TRIM8: variants seen among roughly 807,000 people sequenced by gnomAD.
TRIM8 encodes E3 ubiquitin-protein ligase TRIM8.
In TRIM8, 9 loss-of-function variants were observed where a neutral mutation model predicts 55.7. The observed-to-expected ratio is 0.16, with a 90% CI of 0.10 to 0.28. The LOEUF (loss-of-function observed/expected upper bound fraction) is 0.28. Among genes scored for constraint, TRIM8 ranks in the 10% least tolerant of loss-of-function variants. The pLI, the probability that TRIM8 is intolerant of heterozygous loss-of-function variation, is 1.00. For missense variants in TRIM8, 556 were observed against 736.4 expected, an observed-to-expected ratio of 0.76 and a Z score of 2.83; for synonymous variants, 335 against 333.3, an observed-to-expected ratio of 1.01 and a Z score of -0.06.
rs2064034457 is a variant in TRIM8, at chr10:102,657,285, G to A, written c.1587G>A (p.Gln529=). The change falls in exon 6 of 6, where the codon CAG becomes CAA. Residue 529 remains glutamine (Q), a synonymous_variant. Coordinates refer to ENST00000643721, the MANE Select transcript of TRIM8 (RefSeq NM_030912.3). ...LAVRDWLDAS[Q]QPGHQDFYRV... is the part of the protein sequence containing the mutation. ...TCAGAGACTGGCTTGACGCCTCCCA[G>A]CAGCCCGGCCACCAGGATTTCTACA... 2 of 1,613,482 alleles carry A rather than the reference G, an allele frequency of 1.2e-6. No homozygotes were observed. Among genetic ancestry groups the A allele is most frequent in the Non-Finnish European group, 1.7e-6 (2 of 1,179,716 alleles).
Position 102,656,337 on chromosome 10 carries a change from C to A in TRIM8, c.1000C>A (p.Leu334Met), listed in dbSNP as rs1324638281. 6.2e-7 allele frequency: 1 copy of A among 1,614,126 alleles called. No individual in the cohort carries two copies. Among genetic ancestry groups the A allele is most frequent in the East Asian group, 2.2e-5 (1 of 44,880 alleles). The change falls in exon 5 of 6, where the codon CTG (leucine) becomes ATG (methionine). Residue 334 changes from leucine to methionine, a missense_variant. Coordinates refer to ENST00000643721, the MANE Select transcript of TRIM8 (RefSeq NM_030912.3). This position sits in a 1 kb window ranked among gnomAD's most constrained non-coding sequence, Gnocchi z 4.6. ...CGGCCACCTGAACTCCAAGCTCTTC[C>A]TGAACGAAGTGGCCAAGAAGGAGAA... Reference protein sequence around the residue: ...KIGHLNSKLFLNEVAKKEKQL... With the variant: ...KIGHLNSKLFMNEVAKKEKQL...
At position 102,654,776 on chromosome 10, in the gene TRIM8, G is replaced by T. The variant is rs1166762052; in HGVS notation, c.666+28G>T. ...AGCTAAGCCCAAGGCCATGCTGCGGGGTGGGGGTGGCTTGAGCGCAGGGCT... is the reference window on the plus strand; with the variant it reads ...AGCTAAGCCCAAGGCCATGCTGCGGTGTGGGGGTGGCTTGAGCGCAGGGCT... On this transcript the variant is annotated intron_variant, in intron 2 of 5. Transcript: ENST00000643721. 2.5e-6 allele frequency: 4 copies of T among 1,569,662 alleles called. No homozygotes were observed. In the African/African-American group the frequency reaches 5.4e-5, roughly 21 times the overall value.
In TRIM8 at chr10:102,657,407, C is replaced by T. The variant is rs561494166; in HGVS notation, c.*53C>T. The stretch of plus-strand genomic sequence containing the variant: ...AATCTTCCTCCCCAGCCCCCGGGCT[C>T]GGGAGTTATGCATCCAGAGACCTGC... On this transcript the variant is annotated 3_prime_UTR_variant, in exon 6 of 6. Transcript: ENST00000643721. 2 of 1,515,876 alleles carry T rather than the reference C, an allele frequency of 1.3e-6. No homozygotes were observed. Among genetic ancestry groups the T allele is most frequent in the East Asian group, 2.3e-5 (1 of 43,754 alleles). 93.9% of individuals were successfully genotyped at this position (1,515,876 alleles called of 1,614,324 possible).
Position 102,656,768 on chromosome 10 carries a change from C to G in TRIM8, c.1070C>G (p.Pro357Arg). 1 of 1,512,346 alleles carries G rather than the reference C, an allele frequency of 6.6e-7. No homozygotes were observed. Among genetic ancestry groups the G allele is most frequent in the Non-Finnish European group, 8.8e-7 (1 of 1,131,258 alleles). 93.7% of individuals were successfully genotyped at this position (1,512,346 alleles called of 1,614,324 possible). A position where few individuals can be genotyped will look rare whatever the true frequency, so the allele number is the denominator to read the frequency against. Residue 357 changes from proline to arginine, a missense_variant, in exon 6 of 6, where the codon CCC becomes CGC. Around this residue, in one of 2 missense-constraint regions of TRIM8, gnomAD observed 391 missense variants for 441.0 expected, o/e 0.89. Transcript: ENST00000643721. The surrounding 1 kb of genome is among the most constrained non-coding windows in gnomAD (Gnocchi z 4.6). ...MLEGPFSTPV[P>R]FLQSVPLYPC... ...ACAGGCCCCTTCAGCACGCCGGTGC[C>G]CTTCCTGCAGAGTGTCCCCCTGTAC...
chr10:102,646,522 C>A (rs1191193788), intron 1 of TRIM8, among the ~76,000 whole-genome samples: 1 of 152,168 alleles, frequency 6.6e-6, no homozygotes, highest in Non-Finnish European at 1.5e-5. Flanking sequence ...CAACAAAAGG[C>A]AGGAGGGCCA....
In TRIM8 at chr10:102,656,615, GAGC is replaced by G; in HGVS notation, c.1049-130_1049-128del. 7.1e-7 allele frequency: 1 copy of G among 1,407,204 alleles called. No individual in the cohort carries two copies. Among genetic ancestry groups the G allele is most frequent in the Non-Finnish European group, 9.6e-7 (1 of 1,043,866 alleles). The allele number at this position is 1,407,204 out of a possible 1,614,324, so 87.2% of individuals were successfully genotyped here. A position where few individuals can be genotyped will look rare whatever the true frequency, so the allele number is the denominator to read the frequency against. ...TATTCTGTACCTCCTAATGGTAGAG[GAGC>G]AAGCATCACCTGAGATGTAACATTC... is the stretch of plus-strand genomic sequence containing the variant. On this transcript the variant is annotated intron_variant, in intron 5 of 5. Transcript: ENST00000643721. This position sits in a 1 kb window ranked among gnomAD's most constrained non-coding sequence, Gnocchi z 4.6.
rs756923782 is a variant in TRIM8 at position 102,645,052 on chromosome 10, C to T, written c.435C>T (p.Cys145=). 1.2e-5 allele frequency: 19 copies of T among 1,591,856 alleles called. No homozygotes were observed. The highest frequency in any genetic ancestry group is 2.2e-5 in the South Asian group (2 of 90,106). ...VEADDVRAWS[C]PQHNAYRLYH... ...CGGACGACGTGCGGGCCTGGAGCTGCCCGCAGCACAACGCCTACCGCCTCT... is the reference window on the plus strand; with the variant it reads ...CGGACGACGTGCGGGCCTGGAGCTGTCCGCAGCACAACGCCTACCGCCTCT... The change falls in exon 1 of 6, where the codon TGC becomes TGT. Residue 145 remains cysteine, a synonymous_variant. Transcript: ENST00000643721.
In TRIM8 at chr10:102,655,078, A is replaced by G; in HGVS notation, c.667-2A>G. 6.2e-7 allele frequency: 1 copy of G among 1,612,978 alleles called. No homozygotes were observed. Among genetic ancestry groups the G allele is most frequent in the Non-Finnish European group, 8.5e-7 (1 of 1,179,686 alleles). On this transcript the variant is annotated splice_acceptor_variant, in intron 2 of 5. Coordinates refer to ENST00000643721, the MANE Select transcript of TRIM8 (RefSeq NM_030912.3). LOFTEE classifies it high-confidence loss of function. ...GCCCACTCCTGCCCTCTGTACTCGC[A>G]GGAGAAAGTGAACCAACTGAAGGAG...
At chr10:102,650,467 G>A (rs1032383157) in intron 1 of TRIM8, among the ~76,000 whole-genome samples, 2 of 152,080 alleles carry the variant, frequency 1.3e-5, no homozygotes, top group African/African-American at 2.4e-5. Flanking sequence ...CCTGAGGCCC[G>A]ACAGGCAGGG....
In TRIM8 at chr10:102,649,053, T is replaced by TGC. The variant is rs1554858658; in HGVS notation, c.570+3868_570+3869dup. 3.3e-3 allele frequency among the ~76,000 whole-genome samples: 503 copies of TGC among 152,118 alleles called. 5 individuals are homozygous for TGC. The highest frequency in any genetic ancestry group is 0.012 in the African/African-American group (481 of 41,490). On this transcript the variant is annotated intron_variant, in intron 1 of 5. Transcript: ENST00000643721. ...CTGCAGGTGTGTGTGTGTGTGTGTG[T>TGC]GCGTGCATGTGTAGCCAGCACGTCT...
rs2063941688 is a variant in TRIM8 at position 102,647,007 on chromosome 10, C to CT, written c.570+1823dup. 2.6e-5 allele frequency among the ~76,000 whole-genome samples: 4 copies of CT among 152,160 alleles called. No homozygotes were observed. In the South Asian group the frequency reaches 8.3e-4, roughly 31 times the overall value. On this transcript the variant is annotated intron_variant, in intron 1 of 5. Transcript: ENST00000643721. Reference sequence around the variant, plus strand: ...TACCTGACTTGGTGTAGGAGGATAGCTTTAGGTGTCTGTGTTTTTGAATGT... The same window carrying CT: ...TACCTGACTTGGTGTAGGAGGATAGCTTTTAGGTGTCTGTGTTTTTGAATGT...
chr10:102,654,783 G>T (rs916950144), intron 2 of TRIM8, 35 bp downstream of exon 2: 1 of 1,533,198 alleles, frequency 6.5e-7, no homozygotes, highest in Non-Finnish European at 9.0e-7. Context: ...CGGGGTGGGG[G>T]TGGCTTGAGC....
chr10:102,649,714 G>T (rs751651807), intron 1 of TRIM8, among the ~76,000 whole-genome samples: 17 of 152,318 alleles, frequency 1.1e-4, no homozygotes, highest in Admixed American at 8.5e-4. Flanking sequence ...CTCTCTCCTT[G>T]CCCTGGCGCC....
At position 102,645,156 on chromosome 10, in the gene TRIM8, G is replaced by C; in HGVS notation, c.539G>C (p.Cys180Ser). The change falls in exon 1 of 6, where the codon TGC becomes TCC. Residue 180 changes from cysteine (C) to serine (S), a missense_variant. By Grantham distance (112) the Cys-to-Ser change is moderately radical. Transcript: ENST00000643721. ...GGCGCGCATCAGGGACACTCGGTGT[G>C]CGACGTGGAGATCCGAAGGAATGAA... Reference protein sequence around the residue: ...YSGAHQGHSVCDVEIRRNEIR... With the variant: ...YSGAHQGHSVSDVEIRRNEIR... The C allele has an allele frequency of 6.4e-7, 1 of 1,562,540 alleles. No individual in the cohort carries two copies. Among genetic ancestry groups the C allele is most frequent in the East Asian group, 2.3e-5 (1 of 43,976 alleles).
Position 102,656,254 on chromosome 10 carries a change from C to T in TRIM8, c.933-16C>T, listed in dbSNP as rs142372863. On this transcript the variant is annotated splice_polypyrimidine_tract_variant and intron_variant, in intron 4 of 5. Transcript: ENST00000643721. This position sits in a 1 kb window ranked among gnomAD's most constrained non-coding sequence, Gnocchi z 4.6. ...TGATGCCTCCTCACAGCAGATGCCC[C>T]GTCCACTGCCCCCAGGACCCAGACC... is the stretch of plus-strand genomic sequence containing the variant. 6.3e-4 allele frequency: 1,010 copies of T among 1,614,148 alleles called. 9 individuals are homozygous for T. The East Asian group carries it at 0.02, about 33-fold the overall frequency.
At chr10:102,653,516 A>ATCT (rs769716435) in intron 1 of TRIM8, 1 of 152,792 alleles carries the variant, frequency 6.5e-6, no homozygotes. Flanking sequence ...AAAGAGGCAT[A>ATCT]TCTGGTGAGA....
rs760875436 is a variant in TRIM8 at position 102,645,017 on chromosome 10, C to A, written c.400C>A (p.Leu134Met). ...GCCCTCCACCGCCCGCGGGCACCTC[C>A]TGGTGGAGGCGGACGACGTGCGGGC... Reference protein sequence around the residue: ...QQPSTARGHLLVEADDVRAWS... With the variant: ...QQPSTARGHLMVEADDVRAWS... Residue 134 changes from leucine (L) to methionine (M), a missense_variant, in exon 1 of 6, where the codon CTG becomes ATG. Coordinates refer to ENST00000643721, the MANE Select transcript of TRIM8 (RefSeq NM_030912.3). 4.4e-6 allele frequency: 7 copies of A among 1,595,484 alleles called. No homozygotes were observed. The African/African-American group carries it at 9.4e-5, about 21-fold the overall frequency.
chr10:102,652,615 T>C (rs567080417), intron 1 of TRIM8, among the ~76,000 whole-genome samples: 1 of 152,286 alleles, frequency 6.6e-6, no homozygotes, highest in African/African-American at 2.4e-5. Flanking sequence ...ATCCCCATTC[T>C]TAAGAGGCCC....
In TRIM8 at chr10:102,656,299, C is replaced by A. The variant is rs1404012606; in HGVS notation, c.962C>A (p.Ser321Tyr). ...RTQTCTSSSL[S>Y]PTKIGHLNSK... The stretch of plus-strand genomic sequence containing the variant: ...CAGACCTGCACGAGCAGCAGCCTTT[C>A]CCCCACTAAGATCGGCCACCTGAAC... The change falls in exon 5 of 6, where the codon TCC (serine) becomes TAC (tyrosine). Residue 321 changes from serine to tyrosine, a missense_variant. Around this residue, in one of 2 missense-constraint regions of TRIM8, gnomAD observed 391 missense variants for 441.0 expected, o/e 0.89. Transcript: ENST00000643721. The surrounding 1 kb of genome is among the most constrained non-coding windows in gnomAD (Gnocchi z 4.6). 4 of 1,614,074 alleles carry A rather than the reference C, an allele frequency of 2.5e-6. No individual in the cohort carries two copies. Among genetic ancestry groups the A allele is most frequent in the Admixed American group, 1.7e-5 (1 of 60,002 alleles).
Sources: gnomAD v4.1 joint callset for allele counts (sites outside exome capture counted in the v4.1 genomes callset) on GRCh38, gnomAD v4.1.1 for gene constraint, gnomAD v4.1.1 regional missense constraint, Gnocchi (gnomAD v3.1) non-coding constraint, MANE v1.5 for transcripts, NCBI Gene and HGNC (gene_info 2026-07-23, HGNC 2026-07-21) for gene names.